The following CRTAC1 variants were observed in gnomAD, a reference collection of about 807,000 sequenced individuals.
CRTAC1 encodes the protein acidic secreted protein in cartilage.
A neutral mutation model predicts 67.8 loss-of-function variants in CRTAC1; 37 were observed. That is an observed-to-expected ratio of 0.55 (90% CI 0.42 to 0.72). The LOEUF is 0.72. Among genes scored for constraint, CRTAC1 ranks in the 30% least tolerant of loss-of-function variants. CRTAC1 has a pLI of 0.00. For missense variants in CRTAC1, 780 were observed against 931.6 expected, an observed-to-expected ratio of 0.84 and a Z score of 2.12; for synonymous variants, 348 against 371.0, an observed-to-expected ratio of 0.94 and a Z score of 0.71.
In CRTAC1 at chr10:98,030,233, G is replaced by A. The variant is rs1341289539; in HGVS notation, c.24+216C>T. Among the ~76,000 whole-genome samples, 1 of 151,920 alleles carries A rather than the reference G, an allele frequency of 6.6e-6. No individual in the cohort carries two copies. Among genetic ancestry groups the A allele is most frequent in the Non-Finnish European group, 1.5e-5 (1 of 67,942 alleles). ...CCTCTCCGCCACCTCCAACCCGGCC[G>A]CCGCCTCACCCCCAGCCCGCGGGGG... On this transcript the variant is annotated intron_variant, in intron 1 of 14. Transcript: ENST00000370597. This position sits in a 1 kb window ranked among gnomAD's most constrained non-coding sequence, Gnocchi z 4.2.
chr10:97,865,394 G>T lies in CRTAC1; in HGVS notation c.*154C>A. ...CCCAGCACAGGGCCTGGCCTTACGAGTCTCCCTAATTGTTAGCTAAGTAAT... is the reference window on the plus strand; with the variant it reads ...CCCAGCACAGGGCCTGGCCTTACGATTCTCCCTAATTGTTAGCTAAGTAAT... On this transcript the variant is annotated 3_prime_UTR_variant, in exon 15 of 15. Transcript: ENST00000370597. 1 of 902,732 alleles carries T rather than the reference G, an allele frequency of 1.1e-6. No homozygotes were observed. Among genetic ancestry groups the T allele is most frequent in the Middle Eastern group, 2.7e-4 (1 of 3,662 alleles). 55.9% of individuals were successfully genotyped at this position (902,732 alleles called of 1,614,324 possible). A position where few individuals can be genotyped will look rare whatever the true frequency, so the allele number is the denominator to read the frequency against.
At chr10:97,967,381 G>T (rs997625435) in intron 2 of CRTAC1, among the ~76,000 whole-genome samples, 1 of 152,080 alleles carries the variant, frequency 6.6e-6, no homozygotes, top group Admixed American at 6.6e-5. Flanking sequence ...GGCTCACTTT[G>T]TATATTTCTT....
chr10:97,912,355 A>C (rs2050698346), intron 5 of CRTAC1, among the ~76,000 whole-genome samples: 1 of 152,040 alleles, frequency 6.6e-6, no homozygotes, highest in African/African-American at 2.4e-5. Context: ...CACCCTGCCC[A>C]TCAGGCTGGG....
At chr10:98,000,222 C>T (rs1397383142) in intron 2 of CRTAC1, among the ~76,000 whole-genome samples, 2 of 152,214 alleles carry the variant, frequency 1.3e-5, no homozygotes, top group African/African-American at 2.4e-5. Context: ...ATGCCCCTTG[C>T]TCTCTATATT....
At chr10:97,997,756 C>T (rs548973182) in intron 2 of CRTAC1, among the ~76,000 whole-genome samples, 8 of 152,052 alleles carry the variant, frequency 5.3e-5, no homozygotes, top group South Asian at 4.1e-4. Flanking sequence ...AAATAAAAAA[C>T]GGTTTTTGAA....
chr10:97,997,451 C>CAAAAAAAAAAAAAAAAAA, intron 2 of CRTAC1, among the ~76,000 whole-genome samples: 1 of 48,234 alleles, frequency 2.1e-5, no homozygotes, highest in Non-Finnish European at 4.1e-5. Context: ...GACTCTGTCT[C>CAAAAAAAAAAAAAAAAAA]AAAAAAAAAA....
chr10:98,013,563 T>C (rs1842947108), intron 1 of CRTAC1, among the ~76,000 whole-genome samples: 1 of 152,244 alleles, frequency 6.6e-6, no homozygotes, highest in Non-Finnish European at 1.5e-5. Flanking sequence ...CTATTTTGCT[T>C]GGGTGACCTT....
chr10:97,893,428 G>C (rs1353692437), intron 11 of CRTAC1, among the ~76,000 whole-genome samples: 4 of 152,136 alleles, frequency 2.6e-5, no homozygotes, highest in Non-Finnish European at 5.9e-5. Flanking sequence ...CTGAACCATT[G>C]CATTTCAGTG....
At position 98,030,364 on chromosome 10, in the gene CRTAC1, C is replaced by T. The variant is rs1343294772; in HGVS notation, c.24+85G>A. On this transcript the variant is annotated intron_variant, in intron 1 of 14. Transcript: ENST00000370597. The surrounding 1 kb of genome is among the most constrained non-coding windows in gnomAD (Gnocchi z 4.2). The stretch of plus-strand genomic sequence containing the variant: ...GGGTTCCCGGGCGGCGTCCCCGCCA[C>T]CCTTGCGGGCGGATCCGGGGGGGCG... 3.3e-6 allele frequency: 3 copies of T among 899,268 alleles called. No homozygotes were observed. The highest frequency in any genetic ancestry group is 3.0e-6 in the Non-Finnish European group (2 of 670,508). 55.7% of individuals were successfully genotyped at this position (899,268 alleles called of 1,614,324 possible).
At chr10:97,983,179 C>G (rs946804515) in intron 2 of CRTAC1, among the ~76,000 whole-genome samples, 10 of 152,282 alleles carry the variant, frequency 6.6e-5, no homozygotes, top group Admixed American at 2.6e-4. Flanking sequence ...GAAAGCCCAC[C>G]AGTAGACTCT....
At chr10:98,027,790 A>G (rs568766415) in intron 1 of CRTAC1, among the ~76,000 whole-genome samples, 1 of 152,358 alleles carries the variant, frequency 6.6e-6, no homozygotes, top group Admixed American at 6.5e-5. Context: ...CTGGTCAGTC[A>G]ATAACTATGA....
At chr10:97,988,389 G>A (rs1263673695) in intron 2 of CRTAC1, among the ~76,000 whole-genome samples, 4 of 152,168 alleles carry the variant, frequency 2.6e-5, no homozygotes, top group Non-Finnish European at 4.4e-5. Context: ...GTAAGACTCT[G>A]AACGATCTCA....
chr10:97,891,466 C>G (rs181283791), intron 11 of CRTAC1, among the ~76,000 whole-genome samples: 2 of 152,364 alleles, frequency 1.3e-5, no homozygotes, highest in East Asian at 3.9e-4. Context: ...GGGAAGCTGC[C>G]CAGAACAAAA....
chr10:97,994,356 C>T (rs1842516254), intron 2 of CRTAC1, among the ~76,000 whole-genome samples: 1 of 152,160 alleles, frequency 6.6e-6, no homozygotes, highest in Admixed American at 6.5e-5. Flanking sequence ...CTCTGGTTTG[C>T]AACACAGCAC....
intron 14 of CRTAC1, among the ~76,000 whole-genome samples, chr10:97,877,552 C>T (rs1212305421): frequency 1.3e-5 from 2 of 152,254 alleles, no homozygotes; most frequent in Non-Finnish European, 2.9e-5. Flanking sequence ...ATTACTTTTA[C>T]TTACCATTGT....
rs143658869 is a variant in CRTAC1 at position 97,889,630 on chromosome 10, C to T, written c.1487-5279G>A. On this transcript the variant is annotated intron_variant, in intron 11 of 14. Transcript: ENST00000370597. ...CCTGCGTCCTCTGGGTGTGCTCCCG[C>T]GGGAGCAGACACGATGTACATGGGG... Among the ~76,000 whole-genome samples, 326 of 152,144 alleles carry T rather than the reference C, an allele frequency of 2.1e-3. 4 individuals carry two copies. Among genetic ancestry groups the T allele is most frequent in the African/African-American group, 7.3e-3 (302 of 41,512 alleles).
intron 2 of CRTAC1, among the ~76,000 whole-genome samples, chr10:97,948,419 A>G (rs1034189615): frequency 7.9e-5 from 12 of 152,264 alleles, no homozygotes; most frequent in African/African-American, 2.9e-4. Flanking sequence ...CACAGTGTGG[A>G]TGGGTCATTT....
chr10:97,887,880 T>C (rs574507850), intron 11 of CRTAC1, among the ~76,000 whole-genome samples: 1 of 152,374 alleles, frequency 6.6e-6, no homozygotes, highest in Admixed American at 6.5e-5. Flanking sequence ...GGCTTTCAGG[T>C]GTTGGTAACA....
chr10:98,025,283 T>A (rs1843205513), intron 1 of CRTAC1, among the ~76,000 whole-genome samples: 1 of 152,186 alleles, frequency 6.6e-6, no homozygotes. Context: ...ACGTGTTCTG[T>A]GCACTGTAGG....
Sources: gnomAD v4.1 joint callset for allele counts (sites outside exome capture counted in the v4.1 genomes callset) on GRCh38, gnomAD v4.1.1 for gene constraint, Gnocchi (gnomAD v3.1) non-coding constraint, MANE v1.5 for transcripts, NCBI Gene and HGNC (gene_info 2026-07-23, HGNC 2026-07-21) for gene names.